The following EPHB2 variants were observed in gnomAD, a reference collection of about 807,000 sequenced individuals.
EPHB2 encodes the protein EPH receptor B2, also known as ephrin type-B receptor 2.
EPHB2 carries 18 observed loss-of-function variants against 96.4 expected under a neutral mutation model. The observed-to-expected ratio is 0.19, with a 90% CI of 0.13 to 0.28. EPHB2 has a LOEUF of 0.28. Ranked by LOEUF, EPHB2 falls within the 10% of genes least tolerant of loss-of-function variation. The pLI is 1.00. For synonymous variants in EPHB2, 506 were observed against 534.1 expected, an observed-to-expected ratio of 0.95 and a Z score of 0.72; for missense variants, 989 against 1,355.4, an observed-to-expected ratio of 0.73 and a Z score of 4.25.
At chr1:22,869,226 G>A (rs1638580044) in intron 5 of EPHB2, among the ~76,000 whole-genome samples, 3 of 152,058 alleles carry the variant, frequency 2.0e-5, no homozygotes, top group Admixed American at 2.0e-4. Context: ...CTGAAGCCCA[G>A]AGAGGTAGAG....
chr1:22,768,246 C>T (rs1048935228), intron 1 of EPHB2, among the ~76,000 whole-genome samples: 2 of 152,148 alleles, frequency 1.3e-5, no homozygotes, highest in Non-Finnish European at 2.9e-5. Context: ...CTGGAGAAGC[C>T]CTCCATACCT....
rs529956733 is a variant in EPHB2 at position 22,882,759 on chromosome 1, C to T, written c.1428+276C>T. On this transcript the variant is annotated intron_variant, in intron 6 of 15. Coordinates refer to ENST00000374630, the MANE Select transcript of EPHB2 (RefSeq NM_017449.5). ...TGAAATGCAACAGTCACATCCCTTT[C>T]CCTACCACGACCCTTTCATCTTGAC... is the stretch of plus-strand genomic sequence containing the variant. The T allele has an allele frequency of 7.1e-5, 29 of 408,356 alleles. No individual in the cohort carries two copies. In the Admixed American group the frequency reaches 1.0e-3, roughly 15 times the overall value. 25.3% of individuals were successfully genotyped at this position (408,356 alleles called of 1,614,324 possible). A position where few individuals can be genotyped will look rare whatever the true frequency, so the allele number is the denominator to read the frequency against.
chr1:22,783,258 C>T (rs1411605692), intron 2 of EPHB2, among the ~76,000 whole-genome samples: 2 of 152,186 alleles, frequency 1.3e-5, no homozygotes, highest in African/African-American at 2.4e-5. Flanking sequence ...AGACCATGTG[C>T]GATAATCACA....
intron 3 of EPHB2, among the ~76,000 whole-genome samples, chr1:22,852,380 G>A (rs1033333743): frequency 9.2e-5 from 14 of 152,166 alleles, no homozygotes; most frequent in African/African-American, 3.1e-4. Flanking sequence ...GCTGCCTGCC[G>A]GCAGCCACAC....
At position 22,871,567 on chromosome 1, in the gene EPHB2, GT is replaced by G. The variant is rs368385223; in HGVS notation, c.1303+6357del. 4.3e-3 allele frequency among the ~76,000 whole-genome samples: 649 copies of G among 152,346 alleles called. 3 individuals are homozygous for G. The highest frequency in any genetic ancestry group is 8.9e-3 in the Admixed American group (136 of 15,306). On this transcript the variant is annotated intron_variant, in intron 5 of 15. Coordinates refer to ENST00000374630, the MANE Select transcript of EPHB2 (RefSeq NM_017449.5). ...TCTATCATTACAGCTTTGCTAGATGGTTGTGGACATTAACAAGAATGTGAAC... is the reference window on the plus strand; with the variant it reads ...TCTATCATTACAGCTTTGCTAGATGGTGTGGACATTAACAAGAATGTGAAC...
intron 1 of EPHB2, among the ~76,000 whole-genome samples, chr1:22,762,489 G>A (rs151064187): frequency 1.3e-5 from 2 of 152,138 alleles, no homozygotes; most frequent in Admixed American, 6.5e-5. Flanking sequence ...ACCCCTCTGG[G>A]CCCATTTCCT....
intron 3 of EPHB2, among the ~76,000 whole-genome samples, chr1:22,841,395 GGA>G (rs1645466579): frequency 6.6e-6 from 1 of 152,128 alleles, no homozygotes; most frequent in Non-Finnish European, 1.5e-5. Flanking sequence ...AGGGCAGGAG[GGA>G]GTCTGGACTG....
intron 1 of EPHB2, among the ~76,000 whole-genome samples, chr1:22,762,990 G>A (rs1282920343): frequency 6.6e-6 from 1 of 152,160 alleles, no homozygotes; most frequent in Non-Finnish European, 1.5e-5. Context: ...CAGACCCTCA[G>A]TGAGGCAGAC....
At chr1:22,857,839 C>T (rs572707508) in intron 3 of EPHB2, among the ~76,000 whole-genome samples, 41 of 152,210 alleles carry the variant, frequency 2.7e-4, no homozygotes, top group East Asian at 7.7e-4. Context: ...CAAGTGCCTA[C>T]GACCGGCCCG....
intron 5 of EPHB2, among the ~76,000 whole-genome samples, chr1:22,880,099 C>G (rs541928749): frequency 1.3e-5 from 2 of 152,186 alleles, no homozygotes; most frequent in South Asian, 4.2e-4. Context: ...AACATTGGAG[C>G]CTCGAGGCCT....
At chr1:22,840,278 A>G (rs192536719) in intron 3 of EPHB2, among the ~76,000 whole-genome samples, 17 of 152,290 alleles carry the variant, frequency 1.1e-4, no homozygotes, top group Middle Eastern at 3.4e-3. Context: ...AGGAATAACG[A>G]TGACTACTTA....
At chr1:22,811,180 C>A (rs567564614) in intron 3 of EPHB2, among the ~76,000 whole-genome samples, 2 of 152,274 alleles carry the variant, frequency 1.3e-5, no homozygotes, top group Admixed American at 1.3e-4. Flanking sequence ...CCCCCAATCC[C>A]ATGTCTGATG....
chr1:22,777,905 C>A (rs1644475419), intron 1 of EPHB2, among the ~76,000 whole-genome samples: 1 of 152,240 alleles, frequency 6.6e-6, no homozygotes, highest in South Asian at 2.1e-4. Context: ...CTACTTTGTG[C>A]TGGGCTCCAA....
intron 3 of EPHB2, among the ~76,000 whole-genome samples, chr1:22,854,296 A>G (rs1645668013): frequency 6.6e-6 from 1 of 152,140 alleles, no homozygotes; most frequent in Admixed American, 6.5e-5. Context: ...GGATCACTTG[A>G]GCCCAAGAGT....
rs780057705 is a variant in EPHB2 at position 22,784,413 on chromosome 1, G to A, written c.148G>A (p.Asp50Asn). The A allele has an allele frequency of 1.1e-5, 17 of 1,614,126 alleles. No homozygotes were observed. Among genetic ancestry groups the A allele is most frequent in the Admixed American group, 6.7e-5 (4 of 60,024 alleles). Reference sequence around the variant, plus strand: ...ACAGTGGGAAGAGGTGAGTGGCTACGATGAGAACATGAACACGATCCGCAC... The same window carrying A: ...ACAGTGGGAAGAGGTGAGTGGCTACAATGAGAACATGAACACGATCCGCAC... ...PSGWEEVSGY[D>N]ENMNTIRTYQ... Residue 50 changes from aspartate (D) to asparagine (N), a missense_variant, in exon 3 of 16, where the codon GAT (aspartate) becomes AAT (asparagine). Coordinates refer to ENST00000374630, the MANE Select transcript of EPHB2 (RefSeq NM_017449.5). This position sits in a 1 kb window ranked among gnomAD's most constrained non-coding sequence, Gnocchi z 5.1.
At chr1:22,806,868 C>T (rs996219227) in intron 3 of EPHB2, among the ~76,000 whole-genome samples, 9 of 152,248 alleles carry the variant, frequency 5.9e-5, no homozygotes, top group East Asian at 3.8e-4. Context: ...CACACAGCTG[C>T]GGGAGCTTTG....
At position 22,733,064 on chromosome 1, in the gene EPHB2, T is replaced by C. The variant is rs935494536; in HGVS notation, c.61+22021T>C. Among the ~76,000 whole-genome samples, 1 of 152,212 alleles carries C rather than the reference T, an allele frequency of 6.6e-6. No individual in the cohort carries two copies. Among genetic ancestry groups the C allele is most frequent in the African/African-American group, 2.4e-5 (1 of 41,456 alleles). On this transcript the variant is annotated intron_variant, in intron 1 of 15. Transcript: ENST00000374630. This position sits in a 1 kb window ranked among gnomAD's most constrained non-coding sequence, Gnocchi z 4.6. ...GCCTTTCTTTCTTTCTTTCTTTCTT[T>C]TTTTTTGGAGTTTCGCTCTTGTCGC... is the stretch of plus-strand genomic sequence containing the variant.
At chr1:22,830,033 A>C (rs1411263669) in intron 3 of EPHB2, among the ~76,000 whole-genome samples, 1 of 152,194 alleles carries the variant, frequency 6.6e-6, no homozygotes, top group East Asian at 1.9e-4. Flanking sequence ...GTGCGAGTTC[A>C]TGATCATGCT....
intron 1 of EPHB2, among the ~76,000 whole-genome samples, chr1:22,741,641 G>A (rs537861327): frequency 2.8e-5 from 4 of 141,540 alleles, no homozygotes; most frequent in East Asian, 4.2e-4. Flanking sequence ...CAGGGAAGGC[G>A]GGTTATATTT....
Sources: gnomAD v4.1 joint callset for allele counts (sites outside exome capture counted in the v4.1 genomes callset) on GRCh38, gnomAD v4.1.1 for gene constraint, Gnocchi (gnomAD v3.1) non-coding constraint, MANE v1.5 for transcripts, NCBI Gene and HGNC (gene_info 2026-07-23, HGNC 2026-07-21) for gene names.